Variants in SCYL2 observed in about 807,000 individuals in gnomAD.
The protein encoded by SCYL2 is SCY1 like pseudokinase 2, also known as SCY1-like protein 2.
Under a neutral mutation model 100.4 loss-of-function variants are expected in SCYL2, and 36 were observed. That is an observed-to-expected ratio of 0.36 (90% CI 0.27 to 0.47). The LOEUF is 0.47. SCYL2 is among the 20% of genes least tolerant of loss of function. The probability of loss-of-function intolerance (pLI) is 1.00; values close to 1 mark genes in which losing one functional copy is unlikely to be tolerated. For synonymous variants in SCYL2, 330 were observed against 359.2 expected (o/e 0.92, Z 0.92); for missense variants, 902 against 1,083.9 (o/e 0.83, Z 2.36).
intron 1 of SCYL2, among the ~76,000 whole-genome samples, chr12:100,282,473 C>T (rs370032989): frequency 8.1e-5 from 9 of 110,546 alleles, no homozygotes; most frequent in Admixed American, 2.7e-4. Context: ...CTACGGGCAC[C>T]TGCCACCACG....
chr12:100,333,722 T>C lies in SCYL2; in HGVS notation c.1762-444T>C, dbSNP rs115036547. ...CAACTGTCAGAAAACAGGATTTATTTTAGCCAGATATGTCATTGCAATCTG... is the reference window on the plus strand; with the variant it reads ...CAACTGTCAGAAAACAGGATTTATTCTAGCCAGATATGTCATTGCAATCTG... On this transcript the variant is annotated intron_variant, in intron 13 of 17. Transcript: ENST00000360820. 8.9e-3 allele frequency: 1,359 copies of C among 153,082 alleles called. 22 individuals carry two copies. Among genetic ancestry groups the C allele is most frequent in the African/African-American group, 0.032 (1,318 of 41,562 alleles). The allele number at this position is 153,082 out of a possible 1,614,324, so 9.5% of individuals were successfully genotyped here. A position where few individuals can be genotyped will look rare whatever the true frequency, so the allele number is the denominator to read the frequency against.
At chr12:100,326,580 TG>T (rs1170667212) in intron 11 of SCYL2, 41 bp from the exon 12 acceptor site, 1 of 1,442,870 alleles carries the variant, frequency 6.9e-7, no homozygotes, top group Non-Finnish European at 9.3e-7. Context: ...TTCTAGATTT[TG>T]AAAACTTTTA....
At chr12:100,320,267 G>C (rs904495672) in intron 10 of SCYL2, among the ~76,000 whole-genome samples, 17 of 152,022 alleles carry the variant, frequency 1.1e-4, no homozygotes, top group Non-Finnish European at 2.1e-4. Flanking sequence ...ATCCCGGGCT[G>C]GGTGCGGTGG....
chr12:100,337,532 T>C (rs1173800692), intron 17 of SCYL2, 26 bp downstream of exon 17: 1 of 1,610,252 alleles, frequency 6.2e-7, no homozygotes, highest in East Asian at 2.2e-5. Flanking sequence ...TTTTGTGTAA[T>C]TTCCAGAATA....
At chr12:100,313,377 T>C in intron 6 of SCYL2, 45 bp from the exon 7 acceptor site, 1 of 886,572 alleles carries the variant, frequency 1.1e-6, no homozygotes, top group South Asian at 1.6e-5. Flanking sequence ...TATATGTCTT[T>C]TTAAATATTT....
At position 100,288,371 on chromosome 12, in the gene SCYL2, C is replaced by A. The variant is rs140925106; in HGVS notation, c.178-3132C>A. ...CTGTGTTGCCCAGGTTGGTCTCAAG[C>A]CCCTGGCGTCAAACCATCCTCCTGC... On this transcript the variant is annotated intron_variant, in intron 2 of 17. Coordinates refer to ENST00000360820, the MANE Select transcript of SCYL2 (RefSeq NM_017988.6). Among the ~76,000 whole-genome samples, 549 of 151,958 alleles carry A rather than the reference C, an allele frequency of 3.6e-3. 5 individuals carry two copies. Among genetic ancestry groups the A allele is most frequent in the African/African-American group, 0.013 (518 of 41,426 alleles).
intron 1 of SCYL2, among the ~76,000 whole-genome samples, chr12:100,273,224 C>T (rs1236534070): frequency 6.6e-6 from 1 of 152,120 alleles, no homozygotes; most frequent in Non-Finnish European, 1.5e-5. Context: ...TCTTTTTCTT[C>T]AGCTTTTAAC....
At chr12:100,332,944 A>AGGCTCAAATGATCTTCCTGTCTT (rs1952229877) in intron 13 of SCYL2, among the ~76,000 whole-genome samples, 1 of 151,888 alleles carries the variant, frequency 6.6e-6, no homozygotes, top group African/African-American at 2.4e-5. Flanking sequence ...TCAAACTCCT[A>AGGCTCAAATGATCTTCCTGTCTT]GGCTCAAATG....
intron 2 of SCYL2, among the ~76,000 whole-genome samples, chr12:100,287,511 A>C (rs1421301748): frequency 2.0e-5 from 3 of 152,202 alleles, no homozygotes. Flanking sequence ...TGGGACATAC[A>C]CTGTATTGTG....
intron 8 of SCYL2, 48 bp from the exon 9 acceptor site, chr12:100,315,510 C>T: frequency 6.7e-7 from 1 of 1,495,172 alleles, no homozygotes; most frequent in Non-Finnish European, 9.0e-7. Context: ...ATACTAAAAA[C>T]CTTTAATAAA....
At chr12:100,294,356 A>G (rs867515985) in intron 3 of SCYL2, among the ~76,000 whole-genome samples, 137 of 39,690 alleles carry the variant, frequency 3.5e-3, no homozygotes, top group Middle Eastern at 0.032. Context: ...CTCACCTCCC[A>G]GACGGGGCGG....
At chr12:100,293,750 CA>C (rs2096313432) in intron 3 of SCYL2, among the ~76,000 whole-genome samples, 1 of 152,116 alleles carries the variant, frequency 6.6e-6, no homozygotes, top group African/African-American at 2.4e-5. Flanking sequence ...ATGCTGCCTT[CA>C]AGCATCTGTT....
intron 2 of SCYL2, among the ~76,000 whole-genome samples, chr12:100,286,307 G>A (rs1290284299): frequency 6.6e-6 from 1 of 152,062 alleles, no homozygotes; most frequent in Non-Finnish European, 1.5e-5. Context: ...GGATATTTAA[G>A]CATTTATTTA....
intron 16 of SCYL2, among the ~76,000 whole-genome samples, chr12:100,337,081 C>T (rs1354762241): frequency 1.3e-5 from 2 of 152,056 alleles, no homozygotes; most frequent in African/African-American, 4.8e-5. Context: ...ATAGATTTCC[C>T]AATTTTCAAG....
At chr12:100,283,957 A>G (rs1444283762) in intron 2 of SCYL2, among the ~76,000 whole-genome samples, 1 of 152,170 alleles carries the variant, frequency 6.6e-6, no homozygotes, top group Non-Finnish European at 1.5e-5. Context: ...ACTTTTGAAC[A>G]TTGCTTTTTT....
chr12:100,303,750 G>C (rs1451777975), intron 4 of SCYL2, among the ~76,000 whole-genome samples: 6 of 152,218 alleles, frequency 3.9e-5, no homozygotes. Context: ...GGACACACTT[G>C]ATGAGGCAGT....
At position 100,315,745 on chromosome 12, in the gene SCYL2, G is replaced by GAT; in HGVS notation, c.1272+14_1272+15dup. 6.3e-7 allele frequency: 1 copy of GAT among 1,586,042 alleles called. No homozygotes were observed. Among genetic ancestry groups the GAT allele is most frequent in the South Asian group, 1.2e-5 (1 of 85,480 alleles). On this transcript the variant is annotated intron_variant, in intron 9 of 17. Transcript: ENST00000360820. ...CAGGAGCCAATCCAGGTATGTTATA[G>GAT]ATATTTTTGTGTATTTATCTACTGT...
Position 100,334,265 on chromosome 12 carries a change from A to G in SCYL2, c.1861A>G (p.Lys621Glu), listed in dbSNP as rs1183865257. The G allele has an allele frequency of 6.5e-7, 1 of 1,538,184 alleles. No homozygotes were observed. Among genetic ancestry groups the G allele is most frequent in the Non-Finnish European group, 9.0e-7 (1 of 1,116,404 alleles). ...ACTTCATATAATGCAAGAACAGCAG[A>G]AGTAAGTAGGTTGCACATGAATTAT... Reference protein sequence around the residue: ...EQLHIMQEQQKSLDIGNQMNV... With the variant: ...EQLHIMQEQQESLDIGNQMNV... Residue 621 changes from lysine to glutamate, a missense_variant and splice_region_variant, in exon 14 of 18, where the codon AAA becomes GAA. Transcript: ENST00000360820.
At chr12:100,296,699 C>G (rs895301899) in intron 3 of SCYL2, 1 of 150,602 alleles carries the variant, frequency 6.6e-6, no homozygotes, top group Non-Finnish European at 1.5e-5. Context: ...AAAATAGATT[C>G]AAAGGGACCT....
Sources: allele counts gnomAD v4.1 joint callset (sites outside exome capture counted in the v4.1 genomes callset), GRCh38; gene constraint gnomAD v4.1.1; transcripts MANE v1.5; gene names NCBI Gene and HGNC (gene_info 2026-07-23, HGNC 2026-07-21).